GRM5: variants seen among roughly 807,000 people sequenced by gnomAD.
GRM5 encodes the protein glutamate metabotropic receptor 5, also known as metabotropic glutamate receptor 5.
A neutral mutation model predicts 83.1 loss-of-function variants in GRM5; 19 were observed. The ratio of observed to expected loss-of-function variants is 0.23; its 90% confidence interval spans 0.16 to 0.34. The LOEUF is 0.34. GRM5 is among the 10% of genes least tolerant of loss of function. GRM5 has a pLI of 1.00. For missense variants in GRM5, 1,160 were observed against 1,588.3 expected (o/e 0.73, Z 4.58); for synonymous variants, 675 against 633.6 (o/e 1.07, Z -0.98).
intron 3 of GRM5, among the ~76,000 whole-genome samples, chr11:88,683,722 A>T (rs1049770782): frequency 6.6e-6 from 1 of 152,218 alleles, no homozygotes; most frequent in Non-Finnish European, 1.5e-5. Flanking sequence ...ATAGGAAAAA[A>T]TAATTTAACA....
intron 2 of GRM5, among the ~76,000 whole-genome samples, chr11:89,029,748 C>A (rs1359480243): frequency 6.6e-6 from 1 of 152,028 alleles, no homozygotes; most frequent in Non-Finnish European, 1.5e-5. Flanking sequence ...TTCCTAAATG[C>A]CTTATATTAA....
chr11:88,943,773 A>G (rs1293598039), intron 2 of GRM5, among the ~76,000 whole-genome samples: 3 of 152,012 alleles, frequency 2.0e-5, no homozygotes, highest in Non-Finnish European at 4.4e-5. Flanking sequence ...TCATATATCC[A>G]GATTTCTCTC....
chr11:88,999,561 T>A (rs894490607), intron 2 of GRM5, among the ~76,000 whole-genome samples: 10 of 152,080 alleles, frequency 6.6e-5, no homozygotes, highest in Middle Eastern at 3.2e-3. Flanking sequence ...CCAGTTAGAA[T>A]GGTGATCATT....
At chr11:88,994,416 C>T (rs1489391866) in intron 2 of GRM5, among the ~76,000 whole-genome samples, 1 of 142,754 alleles carries the variant, frequency 7.0e-6, no homozygotes, top group Non-Finnish European at 1.5e-5. Context: ...ACACAAAAAC[C>T]CATTATTATT....
At chr11:89,055,041 C>T (rs542551895) in intron 1 of GRM5, among the ~76,000 whole-genome samples, 8 of 152,214 alleles carry the variant, frequency 5.3e-5, no homozygotes, top group Non-Finnish European at 1.2e-4. Context: ...TTATCTCCTT[C>T]CATCCATTCC....
intron 2 of GRM5, among the ~76,000 whole-genome samples, chr11:89,016,867 T>C (rs911217885): frequency 1.3e-5 from 2 of 152,174 alleles, no homozygotes; most frequent in Non-Finnish European, 2.9e-5. Flanking sequence ...AGTTTTTCAT[T>C]GCAAACTGGA....
At chr11:88,643,234 G>T (rs1057356111) in intron 4 of GRM5, among the ~76,000 whole-genome samples, 1 of 150,812 alleles carries the variant, frequency 6.6e-6, no homozygotes, top group Non-Finnish European at 1.5e-5. Flanking sequence ...GCCAGAGCAG[G>T]AGCAAAAGAC....
chr11:88,744,520 A>G (rs2135419862), intron 3 of GRM5, among the ~76,000 whole-genome samples: 1 of 152,248 alleles, frequency 6.6e-6, no homozygotes, highest in African/African-American at 2.4e-5. Flanking sequence ...TCGAGCACCT[A>G]TGGTATGAAA....
chr11:88,921,472 CA>C (rs374391891), intron 2 of GRM5, among the ~76,000 whole-genome samples: 105 of 151,498 alleles, frequency 6.9e-4, no homozygotes, highest in African/African-American at 2.3e-3. Context: ...AAAACAACAA[CA>C]AAAAAAATTA....
At chr11:88,981,128 CT>C (rs1939507071) in intron 2 of GRM5, among the ~76,000 whole-genome samples, 1 of 152,170 alleles carries the variant, frequency 6.6e-6, no homozygotes, top group Non-Finnish European at 1.5e-5. Context: ...TGATCTCTGC[CT>C]CTTCAACCTC....
At chr11:88,682,927 C>T (rs117312366) in intron 3 of GRM5, among the ~76,000 whole-genome samples, 61 of 151,130 alleles carry the variant, frequency 4.0e-4, no homozygotes, top group African/African-American at 5.8e-4. Flanking sequence ...GGTGTTTAAA[C>T]GGAATAGTTT....
At chr11:88,892,119 C>T (rs7102498) in intron 2 of GRM5, among the ~76,000 whole-genome samples, 3,161 of 149,666 alleles carry the variant, frequency 0.021, 96 homozygotes, top group African/African-American at 0.072. Context: ...CCTTAACTTA[C>T]GGCAATATAG....
intron 3 of GRM5, among the ~76,000 whole-genome samples, chr11:88,762,024 A>G (rs1453939893): frequency 6.6e-6 from 1 of 152,074 alleles, no homozygotes; most frequent in Non-Finnish European, 1.5e-5. Flanking sequence ...CCCTTTCTCA[A>G]GCCATATACA....
intron 4 of GRM5, among the ~76,000 whole-genome samples, chr11:88,626,660 C>T (rs1174290010): frequency 6.6e-6 from 1 of 152,080 alleles, no homozygotes; most frequent in African/African-American, 2.4e-5. Context: ...CTCAAATACC[C>T]TCAATATGTT....
intron 2 of GRM5, among the ~76,000 whole-genome samples, chr11:88,879,738 C>A (rs1944920762): frequency 6.6e-6 from 1 of 151,788 alleles, no homozygotes; most frequent in Admixed American, 6.6e-5. Context: ...CTTTCATCTA[C>A]CTTGGTAGAT....
chr11:88,603,836 T>C (rs535953908), intron 5 of GRM5, among the ~76,000 whole-genome samples: 78 of 152,314 alleles, frequency 5.1e-4, no homozygotes, highest in African/African-American at 1.9e-3. Flanking sequence ...TGAAACCTTT[T>C]GGCAGGGTCA....
At chr11:88,632,129 C>T (rs990934039) in intron 4 of GRM5, among the ~76,000 whole-genome samples, 1 of 151,908 alleles carries the variant, frequency 6.6e-6, no homozygotes, top group East Asian at 1.9e-4. Flanking sequence ...TCCTCCCGCA[C>T]CTTTGTAATC....
intron 2 of GRM5, among the ~76,000 whole-genome samples, chr11:88,958,265 T>C (rs997878479): frequency 6.6e-6 from 1 of 150,452 alleles, no homozygotes; most frequent in Non-Finnish European, 1.5e-5. Context: ...ATATAATGTA[T>C]ATGAATTTTT....
chr11:89,052,932 C>A (rs141298809), intron 1 of GRM5, among the ~76,000 whole-genome samples: 2,384 of 152,118 alleles, frequency 0.016, 70 homozygotes, highest in African/African-American at 0.053. Flanking sequence ...TAAAAACTAG[C>A]TGATCACTTA....
Sources: allele counts gnomAD v4.1 joint callset (sites outside exome capture counted in the v4.1 genomes callset), GRCh38; gene constraint gnomAD v4.1.1; transcripts MANE v1.5; gene names NCBI Gene and HGNC (gene_info 2026-07-23, HGNC 2026-07-21).